The following SLC41A3 variants were observed in gnomAD, a reference collection of about 807,000 sequenced individuals.
The protein encoded by SLC41A3 is solute carrier family 41 member 3.
A neutral mutation model predicts 45.4 loss-of-function variants in SLC41A3; 44 were observed. The ratio of observed to expected loss-of-function variants is 0.97; its 90% CI spans 0.76 to 1.25. The LOEUF is 1.25. Ranked by LOEUF, SLC41A3 falls within the 50% of genes most tolerant of loss-of-function variation. The pLI is 0.00. For synonymous variants in SLC41A3, 256 were observed against 252.4 expected (o/e 1.01, Z -0.13); for missense variants, 550 against 600.6 (o/e 0.92, Z 0.88).
intron 2 of SLC41A3, among the ~76,000 whole-genome samples, chr3:126,061,904 C>T (rs73861663): frequency 0.018 from 2,734 of 152,268 alleles, 42 homozygotes; most frequent in Middle Eastern, 0.085. Flanking sequence ...GCCCCCATGA[C>T]GAGAACCACT....
chr3:126,056,086 C>T (rs900990860), intron 2 of SLC41A3, among the ~76,000 whole-genome samples: 4 of 152,156 alleles, frequency 2.6e-5, no homozygotes, highest in Non-Finnish European at 5.9e-5. Context: ...GGGAGGAAGG[C>T]GGTTTGAGCT....
intron 1 of SLC41A3, among the ~76,000 whole-genome samples, chr3:126,100,385 G>T (rs12498097): frequency 2.0e-5 from 3 of 152,142 alleles, no homozygotes; most frequent in Admixed American, 2.0e-4. Context: ...AAAGACTTCT[G>T]GTGAATTCCA....
chr3:126,081,253 C>A (rs547457127), intron 1 of SLC41A3, among the ~76,000 whole-genome samples: 1 of 152,110 alleles, frequency 6.6e-6, no homozygotes, highest in Admixed American at 6.5e-5. Context: ...TGAAATAAGC[C>A]GTGGACAGAA....
rs1406741537 is a variant in SLC41A3, at chr3:126,050,942, C to T, written c.381+1G>A. On this transcript the variant is annotated splice_donor_variant, in intron 3 of 10. Transcript: ENST00000360370. LOFTEE classifies it high-confidence loss of function. ...CCTCGAATGTCCAGGTGTCCACTTA[C>T]AGCTGTGGAGAGTCTGGATGCCAGT... The T allele has an allele frequency of 6.2e-7, 1 of 1,610,860 alleles. No individual in the cohort carries two copies. The highest frequency in any genetic ancestry group is 8.5e-7 in the Non-Finnish European group (1 of 1,178,610).
At chr3:126,073,940 C>G (rs1030021540) in intron 1 of SLC41A3, among the ~76,000 whole-genome samples, 3 of 152,180 alleles carry the variant, frequency 2.0e-5, no homozygotes, top group Non-Finnish European at 4.4e-5. Context: ...AAATCCTCAG[C>G]AGAATACTAA....
intron 2 of SLC41A3, among the ~76,000 whole-genome samples, chr3:126,052,543 C>G (rs1943400504): frequency 6.6e-6 from 1 of 152,192 alleles, no homozygotes; most frequent in African/African-American, 2.4e-5. Flanking sequence ...CTGTTCTCAC[C>G]CATCACCCTC....
chr3:126,066,767 T>C (rs541198434), intron 2 of SLC41A3, among the ~76,000 whole-genome samples: 12 of 152,312 alleles, frequency 7.9e-5, no homozygotes, highest in Non-Finnish European at 1.5e-4. Flanking sequence ...CTTGAGTTGA[T>C]AGCAGAAGAG....
chr3:126,071,361 CA>C (rs1944608350), intron 1 of SLC41A3, among the ~76,000 whole-genome samples: 2 of 152,130 alleles, frequency 1.3e-5, no homozygotes, highest in Non-Finnish European at 1.5e-5. Context: ...GAAGCTATAA[CA>C]ATTACAAACG....
At chr3:126,070,823 C>T (rs1944584254) in intron 1 of SLC41A3, among the ~76,000 whole-genome samples, 1 of 151,760 alleles carries the variant, frequency 6.6e-6, no homozygotes, top group Non-Finnish European at 1.5e-5. Context: ...CAAAGGTAAC[C>T]ACCTAGACAG....
At chr3:126,069,418 C>T (rs969649646) in intron 1 of SLC41A3, among the ~76,000 whole-genome samples, 1 of 152,086 alleles carries the variant, frequency 6.6e-6, no homozygotes, top group Non-Finnish European at 1.5e-5. Flanking sequence ...CAGAGACTGC[C>T]GTGGCCACAT....
intron 1 of SLC41A3, among the ~76,000 whole-genome samples, chr3:126,091,004 C>T (rs1427456602): frequency 3.3e-5 from 5 of 152,098 alleles, no homozygotes; most frequent in African/African-American, 4.8e-5. Context: ...GCTCCAATCC[C>T]CTTCTAGGAT....
intron 2 of SLC41A3, among the ~76,000 whole-genome samples, chr3:126,055,459 A>G (rs1943592816): frequency 6.6e-6 from 1 of 152,192 alleles, no homozygotes; most frequent in African/African-American, 2.4e-5. Context: ...GGTTGCAGTG[A>G]GCCGAGATCA....
chr3:126,026,341 C>T lies in SLC41A3; in HGVS notation c.592G>A (p.Ala198Thr). The change falls in exon 5 of 11, where the codon GCC becomes ACC. Residue 198 changes from alanine to threonine, a missense_variant. Ala to Thr is a moderately conservative substitution (Grantham distance 58, BLOSUM62 0). Coordinates refer to ENST00000360370, the MANE Select transcript of SLC41A3 (RefSeq NM_017836.4). This position sits in a 1 kb window ranked among gnomAD's most constrained non-coding sequence, Gnocchi z 4.2. Reference protein sequence around the residue: ...SVLTAFLAAFALGVLMVCIVI... With the variant: ...SVLTAFLAAFTLGVLMVCIVI... ...CAGCTGGGGCATGGCTCACCCAGGG[C>T]AAAGGCTGCAAGGAAGGCAGTGAGG... 6.4e-7 allele frequency: 1 copy of T among 1,562,108 alleles called. No homozygotes were observed. Among genetic ancestry groups the T allele is most frequent in the Non-Finnish European group, 8.7e-7 (1 of 1,152,232 alleles).
At chr3:126,041,593 C>T (rs1457761002) in intron 3 of SLC41A3, among the ~76,000 whole-genome samples, 1 of 152,230 alleles carries the variant, frequency 6.6e-6, no homozygotes, top group Non-Finnish European at 1.5e-5. Context: ...ACATTGCATT[C>T]CCTAGCCAGC....
chr3:126,040,767 A>G (rs1056064328), intron 3 of SLC41A3, among the ~76,000 whole-genome samples: 2 of 152,166 alleles, frequency 1.3e-5, no homozygotes, highest in African/African-American at 4.8e-5. Flanking sequence ...CCTCCCTCCA[A>G]TCTTTAGATT....
chr3:126,067,608 T>C (rs1944416223), intron 2 of SLC41A3: 1 of 474,086 alleles, frequency 2.1e-6, no homozygotes, highest in African/African-American at 2.0e-5. Flanking sequence ...TAAATGTCTG[T>C]TGTTGAAGCA....
At chr3:126,051,461 T>A (rs2107892379) in intron 2 of SLC41A3, among the ~76,000 whole-genome samples, 1 of 152,218 alleles carries the variant, frequency 6.6e-6, no homozygotes, top group Middle Eastern at 3.4e-3. Context: ...GGATCAACGA[T>A]CTTCACACAG....
Position 126,016,797 on chromosome 3 carries a change from C to T in SLC41A3, c.824G>A (p.Ser275Asn). Residue 275 changes from serine to asparagine, a missense_variant, in exon 7 of 11, where the codon AGC (serine) becomes AAC (asparagine). By Grantham distance (46) the Ser-to-Asn change is conservative (BLOSUM62 1). Coordinates refer to ENST00000360370, the MANE Select transcript of SLC41A3 (RefSeq NM_017836.4). ...TPVWVLIAKQSPPIVKILKFG... is the reference protein window; with the variant it reads ...TPVWVLIAKQNPPIVKILKFG... ...CTTCAGGATCTTCACGATGGGTGGG[C>T]TCTGCTTGGCAATGAGGACCCACAC... 1.2e-6 allele frequency: 2 copies of T among 1,612,734 alleles called. No homozygotes were observed. The highest frequency in any genetic ancestry group is 8.5e-7 in the Non-Finnish European group (1 of 1,179,612).
At chr3:126,049,528 TGC>T (rs1943188296) in intron 3 of SLC41A3, among the ~76,000 whole-genome samples, 3 of 152,116 alleles carry the variant, frequency 2.0e-5, no homozygotes, top group Non-Finnish European at 1.5e-5. Context: ...ACACCTGAAA[TGC>T]CTCCATGGCA....
Sources: gnomAD v4.1 joint callset for allele counts (sites outside exome capture counted in the v4.1 genomes callset) on GRCh38, gnomAD v4.1.1 for gene constraint, Gnocchi (gnomAD v3.1) non-coding constraint, MANE v1.5 for transcripts, NCBI Gene and HGNC (gene_info 2026-07-23, HGNC 2026-07-21) for gene names.